PUDP: variants seen among roughly 807,000 people sequenced by gnomAD.
PUDP encodes the protein pseudouridine 5'-phosphatase, also known as pseudouridine-5'-phosphatase.
PUDP carries 8 observed loss-of-function variants against 9.4 expected under a neutral mutation model. The observed-to-expected ratio is 0.85, with a 90% CI of 0.50 to 1.53. The LOEUF (loss-of-function observed/expected upper bound fraction) is 1.53, where lower values mean the gene tolerates loss of function less well. PUDP is among the 40% of genes most tolerant of loss of function. The pLI is 0.00. For synonymous variants in PUDP, 99 were observed against 80.7 expected, an observed-to-expected ratio of 1.23 and a Z score of -1.22; for missense variants, 188 against 189.7, an observed-to-expected ratio of 0.99 and a Z score of 0.05.
intron 3 of PUDP, among the ~76,000 whole-genome samples, chrX:6,768,650 C>A (rs768954043): frequency 2.5e-4 from 28 of 111,658 alleles, no homozygotes; most frequent in Non-Finnish European, 4.3e-4. Context: ...AAATTAAAGT[C>A]TTTTAAAAAT....
At chrX:7,031,394 A>G (rs970326074) in intron 1 of PUDP, among the ~76,000 whole-genome samples, 7 of 111,544 alleles carry the variant, frequency 6.3e-5, no homozygotes, top group Non-Finnish European at 1.3e-4. Context: ...GCTGACATGT[A>G]TCTCTGGGTA....
chrX:6,873,314 A>T lies in PUDP; in HGVS notation c.*247+103819T>A, dbSNP rs187248745. Among the ~76,000 whole-genome samples, 125 of 112,128 alleles carry T rather than the reference A, an allele frequency of 1.1e-3. 1 individual carries two copies. The highest frequency in any genetic ancestry group is 4.0e-3 in the African/African-American group (124 of 30,969). ...TTTACTCTTTTAGTTCTAAGTTACT[A>T]CGAATCAAAGACAAATGCCAATAAC... On this transcript the variant is annotated intron_variant and NMD_transcript_variant, in intron 3 of 3. Transcript: ENST00000655425.
intron 3 of PUDP, among the ~76,000 whole-genome samples, chrX:6,913,976 G>C (rs112736059): frequency 0.013 from 1,446 of 109,821 alleles, 6 homozygotes; most frequent in Non-Finnish European, 0.023. Context: ...GACCATCCTG[G>C]CTAACACAGT....
intron 3 of PUDP, among the ~76,000 whole-genome samples, chrX:6,919,864 A>C (rs1927993485): frequency 2.0e-5 from 1 of 49,627 alleles, no homozygotes; most frequent in Non-Finnish European, 3.6e-5. Flanking sequence ...ATCTCAAAAA[A>C]AAAAAAAAAA....
At chrX:6,942,830 C>G (rs1928416946) in intron 3 of PUDP, among the ~76,000 whole-genome samples, 1 of 111,688 alleles carries the variant, frequency 9.0e-6, no homozygotes, top group African/African-American at 3.3e-5. Flanking sequence ...GGTGTAGCCC[C>G]AAGCCAAGGA....
At chrX:6,707,966 A>G (rs981654813) in intron 1 of PUDP, among the ~76,000 whole-genome samples, 1 of 112,129 alleles carries the variant, frequency 8.9e-6, no homozygotes, top group Non-Finnish European at 1.9e-5. Context: ...GCCCTGTTTC[A>G]CAATGTCACT....
At chrX:6,960,872 T>C (rs1928697137) in intron 3 of PUDP, among the ~76,000 whole-genome samples, 1 of 111,234 alleles carries the variant, frequency 9.0e-6, no homozygotes, top group African/African-American at 3.3e-5. Flanking sequence ...ATATGATCCA[T>C]GGAACAGCTG....
chrX:7,058,200 A>G (rs1481864500), intron 3 of PUDP, among the ~76,000 whole-genome samples: 1 of 112,150 alleles, frequency 8.9e-6, no homozygotes, highest in Non-Finnish European at 1.9e-5. Context: ...CTTTTAAACT[A>G]TGATGTGTCT....
chrX:6,845,876 A>G (rs765481780), intron 3 of PUDP, among the ~76,000 whole-genome samples: 22 of 111,808 alleles, frequency 2.0e-4, no homozygotes, highest in Non-Finnish European at 3.8e-4. Flanking sequence ...GGATGTTGCT[A>G]CCTAAAGTGG....
At chrX:6,772,380 T>C (rs1925377281) in intron 3 of PUDP, among the ~76,000 whole-genome samples, 1 of 110,820 alleles carries the variant, frequency 9.0e-6, no homozygotes, top group South Asian at 3.9e-4. Context: ...ACCTTTGGTT[T>C]AAGGGGCTAC....
Position 6,957,844 on chromosome X carries a change from CA to C in PUDP, c.*247+19288del, listed in dbSNP as rs756459574. ...GAGATTACTTAAGTGGTGGTGATCA[CA>C]ATGCTGGTAGAAAAGAGTAAAGAGG... On this transcript the variant is annotated intron_variant and NMD_transcript_variant, in intron 3 of 3. Transcript: ENST00000655425. Among the ~76,000 whole-genome samples, 15 of 111,954 alleles carry C rather than the reference CA, an allele frequency of 1.3e-4. No individual in the cohort carries two copies. In the South Asian group the frequency reaches 5.5e-3, roughly 41 times the overall value.
intron 1 of PUDP, among the ~76,000 whole-genome samples, chrX:6,708,634 A>T (rs1924496675): frequency 8.9e-6 from 1 of 112,063 alleles, no homozygotes; most frequent in Non-Finnish European, 1.9e-5. Flanking sequence ...AATGAAAATG[A>T]CCTTTGCAAA....
At position 6,733,770 on chromosome X, in the gene PUDP, C is replaced by CTTTTTTT. The variant is rs3046297; in HGVS notation, c.*248-27311_*248-27305dup. Among the ~76,000 whole-genome samples, 160 of 46,251 alleles carry CTTTTTTT rather than the reference C, an allele frequency of 3.5e-3. 6 individuals carry two copies. The highest frequency in any genetic ancestry group is 3.9e-3 in the Non-Finnish European group (112 of 29,085). The allele number at this position is 46,251 out of a possible 115,157, so 40.2% of individuals were successfully genotyped here. On this transcript the variant is annotated intron_variant and NMD_transcript_variant, in intron 3 of 3. Coordinates refer to the PUDP transcript ENST00000655425. ...ACTCGGAGCTGCCCTAAAGCAAAGC[C>CTTTTTTT]TTTTTTTTTTTTTTTTTTTTTTTTT...
At chrX:6,900,244 A>G (rs1927654635) in intron 3 of PUDP, among the ~76,000 whole-genome samples, 1 of 108,259 alleles carries the variant, frequency 9.2e-6, no homozygotes, top group Non-Finnish European at 1.9e-5. Flanking sequence ...GTTTCCTTAC[A>G]GTAGTCATTT....
intron 3 of PUDP, among the ~76,000 whole-genome samples, chrX:6,822,461 C>A (rs1023570854): frequency 1.8e-5 from 2 of 112,275 alleles, no homozygotes; most frequent in Admixed American, 1.9e-4. Context: ...GAGTCTCGCT[C>A]TATCGTCCAG....
At chrX:6,892,967 T>C (rs1927537192) in intron 3 of PUDP, among the ~76,000 whole-genome samples, 2 of 112,014 alleles carry the variant, frequency 1.8e-5, no homozygotes, top group Middle Eastern at 4.6e-3. Flanking sequence ...CAGTCTGTGG[T>C]ATTTTTTTAT....
chrX:7,046,677 C>T (rs962225043), downstream of PUDP, among the ~76,000 whole-genome samples: 5 of 111,834 alleles, frequency 4.5e-5, no homozygotes, highest in African/African-American at 1.6e-4. Flanking sequence ...TTTGAAAATA[C>T]ATCATTTTAA....
intron 3 of PUDP, among the ~76,000 whole-genome samples, chrX:6,859,727 C>G (rs1216114346): frequency 1.8e-5 from 2 of 111,406 alleles, no homozygotes; most frequent in Non-Finnish European, 3.8e-5. Context: ...CCTATGGCCC[C>G]ACCCAGAGGT....
chrX:6,977,004 T>C lies in PUDP; in HGVS notation c.*247+129A>G, dbSNP rs756892478. 6.2e-5 allele frequency among the ~76,000 whole-genome samples: 7 copies of C among 112,422 alleles called. No individual in the cohort carries two copies. The South Asian group carries it at 1.9e-3, about 30-fold the overall frequency. ...GTTCTTATTTGTAAATGCCAATCAC[T>C]ACACAGAAAAACTCTAAGGATTTAT... On this transcript the variant is annotated intron_variant and NMD_transcript_variant, in intron 3 of 3. Transcript: ENST00000655425.
Sources: gnomAD v4.1 joint callset for allele counts (sites outside exome capture counted in the v4.1 genomes callset) on GRCh38, gnomAD v4.1.1 for gene constraint, MANE v1.5 for transcripts, NCBI Gene and HGNC (gene_info 2026-07-23, HGNC 2026-07-21) for gene names.